SEPTIN6: variants seen among roughly 807,000 people sequenced by gnomAD.
SEPTIN6 encodes the protein septin-6.
A neutral mutation model predicts 33.6 loss-of-function variants in SEPTIN6; 8 were observed. The observed-to-expected ratio is 0.24, with a 90% confidence interval of 0.14 to 0.43. The LOEUF (loss-of-function observed/expected upper bound fraction) is 0.43, where lower values mean the gene tolerates loss of function less well. SEPTIN6 is among the 20% of genes least tolerant of loss of function. The pLI, the probability that SEPTIN6 is intolerant of heterozygous loss-of-function variation, is 1.00. For synonymous variants in SEPTIN6, 131 were observed against 140.0 expected, an observed-to-expected ratio of 0.94 and a Z score of 0.45; for missense variants, 250 against 340.8, an observed-to-expected ratio of 0.73 and a Z score of 2.10.
intron 7 of SEPTIN6, among the ~76,000 whole-genome samples, chrX:119,636,736 T>C (rs1414919508): frequency 1.8e-5 from 2 of 111,447 alleles, no homozygotes; most frequent in Admixed American, 9.5e-5. Context: ...GATGCGTGCA[T>C]GTGTGTGTGG....
intron 8 of SEPTIN6, among the ~76,000 whole-genome samples, chrX:119,632,947 C>A (rs1248860366): frequency 8.9e-6 from 1 of 112,605 alleles, no homozygotes; most frequent in Non-Finnish European, 1.9e-5. Flanking sequence ...GATTTCTGTT[C>A]CTGTGTTAGT....
chrX:119,637,654 TATCCATCCATCCATCC>T (rs35208481), intron 6 of SEPTIN6, among the ~76,000 whole-genome samples: 4,113 of 91,818 alleles, frequency 0.045, 72 homozygotes, highest in South Asian at 0.078. Flanking sequence ...TCCATCTATC[TATCCATCCATCCATCC>T]ATCCATCCAT....
intron 1 of SEPTIN6, among the ~76,000 whole-genome samples, chrX:119,690,348 TACACACACAC>T (rs1196119691): frequency 2.0e-4 from 15 of 74,991 alleles, no homozygotes; most frequent in Non-Finnish European, 3.5e-4. Context: ...TACATACACA[TACACACACAC>T]ACACACACAC....
Position 119,618,008 on chromosome X carries a change from G to A in SEPTIN6, c.*2085C>T. On this transcript the variant is annotated 3_prime_UTR_variant, in exon 11 of 11. Coordinates refer to ENST00000394610, the MANE Select transcript of SEPTIN6 (RefSeq NM_145799.4). Reference sequence around the variant, plus strand: ...TACCGGGCGGCGGTGTGGGGAAGTGGTGGTTACCGGTTGGTTGTTTAAGCG... The same window carrying A: ...TACCGGGCGGCGGTGTGGGGAAGTGATGGTTACCGGTTGGTTGTTTAAGCG... 1.2e-6 allele frequency: 1 copy of A among 804,664 alleles called. No individual in the cohort carries two copies. Among genetic ancestry groups the A allele is most frequent in the Non-Finnish European group, 1.5e-6 (1 of 670,459 alleles). 66.3% of individuals were successfully genotyped at this position (804,664 alleles called of 1,213,427 possible).
chrX:119,665,727 C>T (rs1053574905), intron 2 of SEPTIN6, among the ~76,000 whole-genome samples: 1 of 110,787 alleles, frequency 9.0e-6, no homozygotes, highest in Non-Finnish European at 1.9e-5. Context: ...CTCTACAGAT[C>T]CAGGCTGTAT....
chrX:119,626,522 T>C (rs1420427470), intron 9 of SEPTIN6, among the ~76,000 whole-genome samples: 2 of 111,655 alleles, frequency 1.8e-5, no homozygotes, highest in African/African-American at 3.3e-5. Context: ...GTGCAACTAA[T>C]ACACCATGAC....
At chrX:119,643,316 C>A (rs1490735005) in intron 5 of SEPTIN6, among the ~76,000 whole-genome samples, 1 of 109,712 alleles carries the variant, frequency 9.1e-6, no homozygotes, top group African/African-American at 3.3e-5. Context: ...CACGTTGTAG[C>A]ACTCCCTCCT....
chrX:119,661,438 AT>A (rs201846799), intron 3 of SEPTIN6, among the ~76,000 whole-genome samples: 2,144 of 111,524 alleles, frequency 0.019, 20 homozygotes, highest in African/African-American at 0.023. Flanking sequence ...CTCAAAAAAA[AT>A]AAAATAAAAT....
intron 3 of SEPTIN6, among the ~76,000 whole-genome samples, chrX:119,658,454 C>T (rs1305288463): frequency 8.9e-6 from 1 of 112,127 alleles, no homozygotes; most frequent in Non-Finnish European, 1.9e-5. Context: ...GAAATTTAGA[C>T]TGTTTAAATT....
chrX:119,621,765 T>A (rs1166665462), intron 10 of SEPTIN6, among the ~76,000 whole-genome samples: 1 of 104,694 alleles, frequency 9.6e-6, no homozygotes. Flanking sequence ...GTGCTGGGAT[T>A]ACAGGCGTGA....
chrX:119,652,064 T>G (rs1190822148), intron 4 of SEPTIN6, among the ~76,000 whole-genome samples: 1 of 111,943 alleles, frequency 8.9e-6, no homozygotes, highest in East Asian at 2.8e-4. Flanking sequence ...GCTGGGATTA[T>G]AAATGCGCAC....
At chrX:119,653,787 G>A (rs1206198897) in intron 3 of SEPTIN6, among the ~76,000 whole-genome samples, 1 of 112,119 alleles carries the variant, frequency 8.9e-6, no homozygotes, top group Non-Finnish European at 1.9e-5. Context: ...TAAGTATTCA[G>A]GCCAGGCACA....
chrX:119,680,432 C>G (rs1343905432), intron 1 of SEPTIN6, among the ~76,000 whole-genome samples: 3 of 107,449 alleles, frequency 2.8e-5, no homozygotes, highest in Admixed American at 1.0e-4. Context: ...TGGTCTTGAA[C>G]TCCTGACCTC....
chrX:119,657,844 G>A (rs779369616), intron 3 of SEPTIN6, among the ~76,000 whole-genome samples: 20 of 112,027 alleles, frequency 1.8e-4, no homozygotes, highest in Non-Finnish European at 3.0e-4. Flanking sequence ...ACCTATTCTC[G>A]ACCGGGTGCG....
intron 1 of SEPTIN6, 44 bp downstream of exon 1, chrX:119,693,032 C>T (rs1298073891): frequency 1.7e-6 from 2 of 1,159,795 alleles, no homozygotes; most frequent in East Asian, 6.5e-5. Flanking sequence ...TTGACCCTCA[C>T]CAGGCCCTCG....
intron 10 of SEPTIN6, among the ~76,000 whole-genome samples, chrX:119,621,909 G>A (rs898884109): frequency 1.5e-4 from 17 of 110,457 alleles, no homozygotes; most frequent in African/African-American, 3.3e-4. Flanking sequence ...AAAGTGCTAG[G>A]ATTACATAAG....
intron 5 of SEPTIN6, among the ~76,000 whole-genome samples, chrX:119,645,809 T>C (rs1424641337): frequency 4.5e-5 from 5 of 111,510 alleles, no homozygotes; most frequent in African/African-American, 6.5e-5. Context: ...GGATTACACG[T>C]GTGAGCCACT....
intron 10 of SEPTIN6, among the ~76,000 whole-genome samples, chrX:119,623,807 C>T (rs777736796): frequency 8.9e-6 from 1 of 111,964 alleles, no homozygotes; most frequent in African/African-American, 3.2e-5. Context: ...CCACTGCACT[C>T]CAGCCTCGGT....
At chrX:119,629,650 T>C in intron 8 of SEPTIN6, 142 bp from the exon 9 acceptor site, 1 of 493,061 alleles carries the variant, frequency 2.0e-6, no homozygotes, top group South Asian at 3.3e-5. Context: ...CAGGGATTGC[T>C]ATGATGGCAC....
Sources: allele counts gnomAD v4.1 joint callset (sites outside exome capture counted in the v4.1 genomes callset), GRCh38; gene constraint gnomAD v4.1.1; transcripts MANE v1.5; gene names NCBI Gene and HGNC (gene_info 2026-07-23, HGNC 2026-07-21).